Variants in TCF12 observed in about 807,000 individuals in gnomAD.
TCF12 encodes the protein transcription factor 12.
In TCF12, 45 loss-of-function variants were observed where a neutral mutation model predicts 86.0. That is an observed-to-expected ratio of 0.52 (90% CI 0.41 to 0.67). The LOEUF (loss-of-function observed/expected upper bound fraction) is 0.67, where lower values mean the gene tolerates loss of function less well. TCF12 is among the 30% of genes least tolerant of loss of function. The pLI is 0.00. For synonymous variants in TCF12, 330 were observed against 299.6 expected, an observed-to-expected ratio of 1.10 and a Z score of -1.05; for missense variants, 881 against 859.9, an observed-to-expected ratio of 1.02 and a Z score of -0.31.
intron 3 of TCF12, among the ~76,000 whole-genome samples, chr15:56,923,013 C>G (rs1179292814): frequency 1.3e-5 from 2 of 151,944 alleles, no homozygotes; most frequent in Admixed American, 6.5e-5. Flanking sequence ...GTATTTGCAG[C>G]TATTAAGGAG....
In TCF12 at chr15:57,273,258, C is replaced by A; in HGVS notation, c.1974C>A (p.Val658=). 6.2e-7 allele frequency: 1 copy of A among 1,613,986 alleles called. No individual in the cohort carries two copies. Among genetic ancestry groups the A allele is most frequent in the South Asian group, 1.1e-5 (1 of 91,016 alleles). ...TCATCCTTAGTCTAGAACAGCAAGT[C>A]AGAGGTAAGTAGGTTCAGCCGAGAT... ...VAVILSLEQQ[V]RERNLNPKAA... The change falls in exon 19 of 21, where the codon GTC becomes GTA. Residue 658 remains valine, a synonymous_variant. Transcript: ENST00000333725.
intron 8 of TCF12, among the ~76,000 whole-genome samples, chr15:57,208,665 G>GT (rs1279596857): frequency 1.3e-5 from 2 of 151,506 alleles, no homozygotes; most frequent in Non-Finnish European, 2.9e-5. Flanking sequence ...GATTACATGC[G>GT]TGAGCCACTG....
In TCF12 at chr15:56,918,759, C is replaced by G. The variant is rs1462509364; in HGVS notation, c.-170C>G. 3 of 163,458 alleles carry G rather than the reference C, an allele frequency of 1.8e-5. No individual in the cohort carries two copies. Among genetic ancestry groups the G allele is most frequent in the African/African-American group, 7.2e-5 (3 of 41,468 alleles). The allele number at this position is 163,458 out of a possible 1,614,324, so 10.1% of individuals were successfully genotyped here. On this transcript the variant is annotated 5_prime_UTR_variant, in exon 1 of 21. Coordinates refer to ENST00000333725, the MANE Select transcript of TCF12 (RefSeq NM_207037.2). Reference sequence around the variant, plus strand: ...CCCGGGAGGAAGGGGCGGCCAGGCCCGAAAGCCGCCTCCCCCTCCCAGACC... The same window carrying G: ...CCCGGGAGGAAGGGGCGGCCAGGCCGGAAAGCCGCCTCCCCCTCCCAGACC...
chr15:57,218,586 C>T (rs541421606), intron 8 of TCF12, among the ~76,000 whole-genome samples: 49 of 152,158 alleles, frequency 3.2e-4, no homozygotes, highest in Non-Finnish European at 6.8e-4. Flanking sequence ...CAATAATAAA[C>T]TTAGAGGAAA....
intron 5 of TCF12, among the ~76,000 whole-genome samples, chr15:57,123,982 A>AAAAAAAG (rs1555511574): frequency 3.6e-5 from 4 of 111,214 alleles, no homozygotes; most frequent in African/African-American, 1.2e-4. Context: ...AAAAAAAAAA[A>AAAAAAAG]TTTTTTTTTT....
chr15:57,027,390 C>G (rs1446388421), intron 3 of TCF12, among the ~76,000 whole-genome samples: 1 of 152,198 alleles, frequency 6.6e-6, no homozygotes, highest in Non-Finnish European at 1.5e-5. Context: ...CAAGTTGTTG[C>G]ATGCATCAGA....
Position 56,958,395 on chromosome 15 carries a change from A to G in TCF12, c.148+37297A>G, listed in dbSNP as rs190532363. Among the ~76,000 whole-genome samples, 38 of 152,090 alleles carry G rather than the reference A, an allele frequency of 2.5e-4. No individual in the cohort carries two copies. In the East Asian group the frequency reaches 7.3e-3, roughly 29 times the overall value. ...GATAGTTATTTCATTTATTTTCTCCATTTTATCCTTTTTTCACATGAAGTG... is the reference window on the plus strand; with the variant it reads ...GATAGTTATTTCATTTATTTTCTCCGTTTTATCCTTTTTTCACATGAAGTG... On this transcript the variant is annotated intron_variant, in intron 3 of 20. Transcript: ENST00000333725.
chr15:57,136,540 C>G (rs181451163), intron 5 of TCF12, among the ~76,000 whole-genome samples: 1 of 152,262 alleles, frequency 6.6e-6, no homozygotes, highest in Admixed American at 6.5e-5. Flanking sequence ...AAATAGCTAT[C>G]AATTTCTAGT....
intron 3 of TCF12, among the ~76,000 whole-genome samples, chr15:57,000,488 A>G (rs2063962516): frequency 6.6e-6 from 1 of 152,242 alleles, no homozygotes; most frequent in Admixed American, 6.5e-5. Context: ...GATGCAACAA[A>G]AGCAGTGCTT....
chr15:57,146,525 A>G (rs1186629902), intron 5 of TCF12, among the ~76,000 whole-genome samples: 1 of 152,220 alleles, frequency 6.6e-6, no homozygotes, highest in Non-Finnish European at 1.5e-5. Context: ...ATTCAAATTT[A>G]TATTATAGAA....
chr15:56,940,875 C>A (rs1567137161), intron 3 of TCF12, among the ~76,000 whole-genome samples: 1 of 151,262 alleles, frequency 6.6e-6, no homozygotes, highest in East Asian at 2.0e-4. Flanking sequence ...CCTGCCTCGG[C>A]CTCCTGAGGA....
Position 57,226,572 on chromosome 15 carries a change from A to G in TCF12, c.580-4580A>G, listed in dbSNP as rs181633634. On this transcript the variant is annotated intron_variant, in intron 8 of 20. Transcript: ENST00000333725. ...CAAAAGATCTAACAGAAGCCCAAAC[A>G]TAGTGAAATCTTGGTAATTAGTTCT... is the stretch of plus-strand genomic sequence containing the variant. 2.6e-5 allele frequency among the ~76,000 whole-genome samples: 4 copies of G among 152,288 alleles called. No homozygotes were observed. The East Asian group carries it at 7.7e-4, about 29-fold the overall frequency.
intron 4 of TCF12, among the ~76,000 whole-genome samples, chr15:57,066,181 C>T (rs2068859446): frequency 1.3e-5 from 2 of 152,078 alleles, no homozygotes; most frequent in South Asian, 2.1e-4. Flanking sequence ...GGGAAATTAT[C>T]AGCTTTTGGG....
At chr15:57,086,182 TA>T (rs1226593848) in intron 4 of TCF12, among the ~76,000 whole-genome samples, 1 of 147,274 alleles carries the variant, frequency 6.8e-6, no homozygotes, top group Admixed American at 6.9e-5. Context: ...TCAGAATTTG[TA>T]AGACATAATC....
At chr15:57,044,575 AT>A (rs1323115489) in intron 3 of TCF12, among the ~76,000 whole-genome samples, 1 of 150,516 alleles carries the variant, frequency 6.6e-6, no homozygotes, top group African/African-American at 2.4e-5. Context: ...TTGCCTTACC[AT>A]TTTTTTTCTT....
intron 3 of TCF12, among the ~76,000 whole-genome samples, chr15:56,973,438 AAAT>A (rs1244134316): frequency 1.3e-5 from 2 of 152,144 alleles, no homozygotes; most frequent in African/African-American, 4.8e-5. Flanking sequence ...GCATCAAAAT[AAAT>A]AATAATAGTG....
intron 5 of TCF12, among the ~76,000 whole-genome samples, chr15:57,092,581 C>T (rs571283391): frequency 6.6e-6 from 1 of 152,062 alleles, no homozygotes; most frequent in Non-Finnish European, 1.5e-5. Flanking sequence ...TAAACCCAAG[C>T]TTGTTTTTTT....
intron 3 of TCF12, among the ~76,000 whole-genome samples, chr15:57,055,086 G>A (rs1348973885): frequency 1.3e-5 from 2 of 151,910 alleles, no homozygotes; most frequent in Non-Finnish European, 2.9e-5. Context: ...CTAGGATGCA[G>A]GTCTTCCTCT....
chr15:56,978,173 T>C (rs189410830), intron 3 of TCF12, among the ~76,000 whole-genome samples: 3 of 152,354 alleles, frequency 2.0e-5, no homozygotes, highest in Non-Finnish European at 4.4e-5. Flanking sequence ...GCAATGATCA[T>C]TTCTACTTTT....
Sources: gnomAD v4.1 joint callset for allele counts (sites outside exome capture counted in the v4.1 genomes callset) on GRCh38, gnomAD v4.1.1 for gene constraint, MANE v1.5 for transcripts, NCBI Gene and HGNC (gene_info 2026-07-23, HGNC 2026-07-21) for gene names.